Variants in DDX10 observed in about 807,000 individuals in gnomAD.
The protein encoded by DDX10 is probable ATP-dependent RNA helicase DDX10.
DDX10 carries 74 observed loss-of-function variants against 104.3 expected under a neutral mutation model. That is an observed-to-expected ratio of 0.71 (90% CI 0.59 to 0.86). The LOEUF is 0.86. Among genes scored for constraint, DDX10 ranks in the 40% least tolerant of loss-of-function variants. DDX10 has a pLI of 0.00. For missense variants in DDX10, 952 were observed against 1,040.0 expected (o/e 0.92, Z 1.16); for synonymous variants, 351 against 353.4 (o/e 0.99, Z 0.08).
At chr11:108,675,763 A>T (rs376162112) in intron 3 of DDX10, 37 bp downstream of exon 3, 1 of 1,607,330 alleles carries the variant, frequency 6.2e-7, no homozygotes, top group Non-Finnish European at 8.5e-7. Flanking sequence ...TGTCTGTTAT[A>T]CAATTTTATA....
At position 108,879,711 on chromosome 11, in the gene DDX10, G is replaced by A. The variant is rs139177149; in HGVS notation, c.2304+27502G>A. On this transcript the variant is annotated intron_variant, in intron 16 of 17. Coordinates refer to ENST00000322536, the MANE Select transcript of DDX10 (RefSeq NM_004398.4). ...TGATGACTCTCACCAGCTCTGGATGGGTGACATTAGAAATAGAATAAGAGT... is the reference window on the plus strand; with the variant it reads ...TGATGACTCTCACCAGCTCTGGATGAGTGACATTAGAAATAGAATAAGAGT... 3.7e-3 allele frequency among the ~76,000 whole-genome samples: 569 copies of A among 152,134 alleles called. 3 individuals are homozygous for A. Among genetic ancestry groups the A allele is most frequent in the Non-Finnish European group, 6.8e-3 (463 of 67,982 alleles).
chr11:108,905,617 G>A (rs1398077636), intron 16 of DDX10, among the ~76,000 whole-genome samples: 9 of 152,164 alleles, frequency 5.9e-5, no homozygotes, highest in South Asian at 2.1e-4. Context: ...TTTTTGTAGC[G>A]ATGTGTGCCT....
At chr11:108,759,757 A>G (rs908106468) in intron 13 of DDX10, among the ~76,000 whole-genome samples, 2 of 151,902 alleles carry the variant, frequency 1.3e-5, no homozygotes, top group African/African-American at 2.4e-5. Context: ...TAGATTTTCT[A>G]TGCATTACTT....
chr11:108,677,878 A>AAGTG (rs1240159131), intron 4 of DDX10, among the ~76,000 whole-genome samples: 1 of 152,012 alleles, frequency 6.6e-6, no homozygotes. Flanking sequence ...GGACTGTGAG[A>AAGTG]AGTGGTTCTT....
chr11:108,844,008 C>T (rs1391262253), intron 15 of DDX10, among the ~76,000 whole-genome samples: 3 of 152,160 alleles, frequency 2.0e-5, no homozygotes, highest in African/African-American at 7.2e-5. Flanking sequence ...TATTAGAACA[C>T]AGCATGTGAT....
At chr11:108,834,487 A>G (rs1164859222) in intron 13 of DDX10, among the ~76,000 whole-genome samples, 1 of 152,198 alleles carries the variant, frequency 6.6e-6, no homozygotes, top group African/African-American at 2.4e-5. Context: ...TTTGACAAAT[A>G]CATACACCTG....
intron 13 of DDX10, among the ~76,000 whole-genome samples, chr11:108,787,248 G>A (rs1456329978): frequency 1.3e-5 from 2 of 152,150 alleles, no homozygotes; most frequent in Non-Finnish European, 2.9e-5. Context: ...CAGGTGACCT[G>A]ACCTTTCTCT....
intron 16 of DDX10, among the ~76,000 whole-genome samples, chr11:108,862,729 A>G (rs1335148692): frequency 1.3e-5 from 2 of 152,228 alleles, no homozygotes; most frequent in South Asian, 4.1e-4. Context: ...TCCCCACCCC[A>G]GTGAGTTTTA....
At chr11:108,712,756 C>T (rs2094286130) in intron 10 of DDX10, among the ~76,000 whole-genome samples, 1 of 151,516 alleles carries the variant, frequency 6.6e-6, no homozygotes, top group South Asian at 2.1e-4. Context: ...ATCATTTATT[C>T]CTTTGATGTG....
At chr11:108,793,154 T>C (rs1346240150) in intron 13 of DDX10, among the ~76,000 whole-genome samples, 2 of 152,162 alleles carry the variant, frequency 1.3e-5, no homozygotes, top group Non-Finnish European at 2.9e-5. Flanking sequence ...AATTACTCTC[T>C]CTGTTGGCCA....
At chr11:108,746,792 C>A (rs1006292759) in intron 13 of DDX10, among the ~76,000 whole-genome samples, 1 of 151,948 alleles carries the variant, frequency 6.6e-6, no homozygotes, top group African/African-American at 2.4e-5. Context: ...TTTGCCTTTC[C>A]CTGATGATCA....
At chr11:108,682,560 T>A (rs1014462140) in intron 6 of DDX10, among the ~76,000 whole-genome samples, 4 of 152,264 alleles carry the variant, frequency 2.6e-5, no homozygotes, top group Non-Finnish European at 4.4e-5. Flanking sequence ...TAATCTGGTA[T>A]GATAATTGCT....
chr11:108,694,065 A>T (rs1284093045), intron 9 of DDX10, among the ~76,000 whole-genome samples: 2 of 152,222 alleles, frequency 1.3e-5, no homozygotes, highest in East Asian at 3.8e-4. Context: ...CAAAGGGATG[A>T]TTCACATTGT....
chr11:108,833,572 CAAAT>C (rs900385490), intron 13 of DDX10, among the ~76,000 whole-genome samples: 2 of 152,198 alleles, frequency 1.3e-5, no homozygotes, highest in Non-Finnish European at 2.9e-5. Flanking sequence ...TTCCCTAAAA[CAAAT>C]AAAAAGTTTT....
chr11:108,689,538 C>G (rs1200935960), intron 7 of DDX10, among the ~76,000 whole-genome samples: 1 of 152,210 alleles, frequency 6.6e-6, no homozygotes, highest in Non-Finnish European at 1.5e-5. Context: ...CTTTCTGACA[C>G]TCCCTTTTTA....
At chr11:108,927,102 T>C (rs1309081724) in intron 17 of DDX10, among the ~76,000 whole-genome samples, 1 of 152,234 alleles carries the variant, frequency 6.6e-6, no homozygotes, top group African/African-American at 2.4e-5. Flanking sequence ...CTTAGCTTCC[T>C]TGCAGCTTTA....
chr11:108,894,989 C>A (rs1196989672), intron 16 of DDX10, among the ~76,000 whole-genome samples: 2 of 151,786 alleles, frequency 1.3e-5, no homozygotes, highest in East Asian at 3.9e-4. Flanking sequence ...TTGCTCTGTT[C>A]TATATTTTAG....
At chr11:108,819,843 C>A (rs2134576399) in intron 13 of DDX10, among the ~76,000 whole-genome samples, 1 of 152,280 alleles carries the variant, frequency 6.6e-6, no homozygotes, top group East Asian at 1.9e-4. Flanking sequence ...AGGTGATCCA[C>A]CCGCCTCGGC....
At chr11:108,865,647 A>G (rs1230792590) in intron 16 of DDX10, among the ~76,000 whole-genome samples, 2 of 152,042 alleles carry the variant, frequency 1.3e-5, no homozygotes, top group African/African-American at 2.4e-5. Flanking sequence ...TACCAAGTTG[A>G]AGATTTGGGC....
Sources: gnomAD v4.1 joint callset for allele counts (sites outside exome capture counted in the v4.1 genomes callset) on GRCh38, gnomAD v4.1.1 for gene constraint, MANE v1.5 for transcripts, NCBI Gene and HGNC (gene_info 2026-07-23, HGNC 2026-07-21) for gene names.